The following GRIA4 variants were observed in gnomAD, a reference collection of about 807,000 sequenced individuals.
GRIA4 encodes the protein glutamate receptor 4.
In GRIA4, 34 loss-of-function variants were observed where a neutral mutation model predicts 104.0. The observed-to-expected ratio is 0.33, with a 90% CI of 0.25 to 0.44. The LOEUF is 0.44. Among genes scored for constraint, GRIA4 ranks in the 20% least tolerant of loss-of-function variants. The pLI, the probability that GRIA4 is intolerant of heterozygous loss-of-function variation, is 1.00. For missense variants in GRIA4, 750 were observed against 1,096.5 expected, an observed-to-expected ratio of 0.68 and a Z score of 4.46; for synonymous variants, 386 against 381.9, an observed-to-expected ratio of 1.01 and a Z score of -0.13.
intron 4 of GRIA4, among the ~76,000 whole-genome samples, chr11:105,850,384 T>C (rs546187577): frequency 2.0e-3 from 308 of 152,356 alleles, no homozygotes; most frequent in African/African-American, 7.1e-3. Context: ...TTCTATACCA[T>C]AATTCAAACT....
intron 3 of GRIA4, among the ~76,000 whole-genome samples, chr11:105,646,794 A>T (rs932046905): frequency 1.7e-4 from 26 of 152,220 alleles, no homozygotes; most frequent in African/African-American, 6.3e-4. Context: ...AATTAACTCA[A>T]GACAGATTAG....
chr11:105,627,052 C>T (rs1950903616), intron 3 of GRIA4, among the ~76,000 whole-genome samples: 1 of 152,184 alleles, frequency 6.6e-6, no homozygotes, highest in Non-Finnish European at 1.5e-5. Flanking sequence ...GAAAACACTG[C>T]TGTTCATTTT....
At chr11:105,899,049 C>A (rs1946763720) in intron 7 of GRIA4, among the ~76,000 whole-genome samples, 1 of 152,150 alleles carries the variant, frequency 6.6e-6, no homozygotes, top group African/African-American at 2.4e-5. Context: ...TGAGCCCCTA[C>A]CTAATAAGGC....
At chr11:105,743,308 G>A (rs753628491) in intron 3 of GRIA4, among the ~76,000 whole-genome samples, 1 of 152,054 alleles carries the variant, frequency 6.6e-6, no homozygotes. Flanking sequence ...ACCTGATAAA[G>A]TCTCCCAGAC....
intron 4 of GRIA4, among the ~76,000 whole-genome samples, chr11:105,833,585 G>A (rs1944062040): frequency 6.6e-6 from 1 of 151,870 alleles, no homozygotes; most frequent in African/African-American, 2.4e-5. Flanking sequence ...CTGGAACAAA[G>A]GGTTAAGCAA....
chr11:105,664,612 A>G (rs1322359170), intron 3 of GRIA4, among the ~76,000 whole-genome samples: 1 of 151,878 alleles, frequency 6.6e-6, no homozygotes, highest in Admixed American at 6.6e-5. Flanking sequence ...AGTCATTTCT[A>G]TTTGTAAGAT....
chr11:105,824,680 C>A (rs1943701044), intron 4 of GRIA4: 1 of 152,082 alleles, frequency 6.6e-6, no homozygotes. Flanking sequence ...TTATCTGAAG[C>A]ACGATTATTA....
At chr11:105,910,586 A>C (rs368379508) in intron 10 of GRIA4, 41 bp downstream of exon 10, 1 of 1,074,246 alleles carries the variant, frequency 9.3e-7, no homozygotes, top group Admixed American at 1.7e-5. Flanking sequence ...CGTTTTGTCC[A>C]CAGGCAATTT....
chr11:105,658,541 G>A (rs1046235298), intron 3 of GRIA4, among the ~76,000 whole-genome samples: 2 of 151,702 alleles, frequency 1.3e-5, no homozygotes, highest in East Asian at 3.9e-4. Flanking sequence ...GATTTCTGTG[G>A]GGACATGAAT....
At chr11:105,909,266 G>T (rs1474553758) in intron 9 of GRIA4, among the ~76,000 whole-genome samples, 1 of 152,092 alleles carries the variant, frequency 6.6e-6, no homozygotes, top group Non-Finnish European at 1.5e-5. Context: ...TGAGAAACTT[G>T]AATTAGGCAA....
At chr11:105,659,816 C>T (rs1416511985) in intron 3 of GRIA4, among the ~76,000 whole-genome samples, 1 of 151,596 alleles carries the variant, frequency 6.6e-6, no homozygotes, top group Non-Finnish European at 1.5e-5. Context: ...AAGAACATCA[C>T]AAAAATTACC....
At chr11:105,934,002 T>A (rs1240973042) in intron 14 of GRIA4, 33 bp downstream of exon 14, 6 of 1,557,128 alleles carry the variant, frequency 3.9e-6, no homozygotes, top group Non-Finnish European at 4.4e-6. Context: ...ATAACATGTG[T>A]TGTTATAGTA....
intron 4 of GRIA4, among the ~76,000 whole-genome samples, chr11:105,829,469 AC>A (rs1943894859): frequency 6.6e-6 from 1 of 151,972 alleles, no homozygotes; most frequent in South Asian, 2.1e-4. Context: ...CCTGCCAGTG[AC>A]AAAAGTGGCA....
intron 4 of GRIA4, among the ~76,000 whole-genome samples, chr11:105,802,937 T>C (rs1473943765): frequency 6.6e-6 from 1 of 151,924 alleles, no homozygotes; most frequent in African/African-American, 2.4e-5. Context: ...AATCTTACAA[T>C]AGTGCTATTC....
intron 3 of GRIA4, among the ~76,000 whole-genome samples, chr11:105,710,474 C>T (rs12417624): frequency 0.47 from 70,681 of 151,952 alleles, 17,298 homozygotes; most frequent in Admixed American, 0.58. Context: ...GAATTGCCAC[C>T]AGTTTTCTCC....
chr11:105,800,587 C>G (rs1195807129), intron 4 of GRIA4, among the ~76,000 whole-genome samples: 1 of 151,978 alleles, frequency 6.6e-6, no homozygotes, highest in African/African-American at 2.4e-5. Flanking sequence ...AGAATTGTTT[C>G]AGCATATTTA....
rs968096491 is a variant in GRIA4 at position 105,691,964 on chromosome 11, G to T, written c.248-61017G>T. Among the ~76,000 whole-genome samples the T allele has an allele frequency of 1.4e-3, 190 of 134,944 alleles. 1 individual carries two copies. The highest frequency in any genetic ancestry group is 2.1e-3 in the Non-Finnish European group (129 of 61,998). The allele number at this position is 134,944 out of a possible 152,430, so 88.5% of individuals were successfully genotyped here. On this transcript the variant is annotated intron_variant, in intron 3 of 16. Transcript: ENST00000282499. Reference sequence around the variant, plus strand: ...AAAAAAAAAAAAAAAAAGTAAAAATGTAAATATATATCTCTATATTGTAAA... The same window carrying T: ...AAAAAAAAAAAAAAAAAGTAAAAATTTAAATATATATCTCTATATTGTAAA...
chr11:105,615,409 T>C (rs183126269), intron 3 of GRIA4, among the ~76,000 whole-genome samples: 1 of 151,954 alleles, frequency 6.6e-6, no homozygotes, highest in Admixed American at 6.6e-5. Context: ...TGGCTTATAG[T>C]TTATTCCAAC....
intron 14 of GRIA4, among the ~76,000 whole-genome samples, chr11:105,951,364 C>A (rs1447832337): frequency 6.6e-6 from 1 of 152,086 alleles, no homozygotes; most frequent in Non-Finnish European, 1.5e-5. Flanking sequence ...TACTTTAAAG[C>A]AAATTTACTT....
Sources: gnomAD v4.1 joint callset for allele counts (sites outside exome capture counted in the v4.1 genomes callset) on GRCh38, gnomAD v4.1.1 for gene constraint, MANE v1.5 for transcripts, NCBI Gene and HGNC (gene_info 2026-07-23, HGNC 2026-07-21) for gene names.